Variants in LASP1 observed in about 807,000 individuals in gnomAD.
LASP1 encodes the protein LIM and SH3 protein 1, also known as LIM and SH3 domain protein 1.
In LASP1, 10 loss-of-function variants were observed where a neutral mutation model predicts 38.6. The ratio of observed to expected loss-of-function variants is 0.26; its 90% CI spans 0.16 to 0.44. The LOEUF is 0.44. Among genes scored for constraint, LASP1 ranks in the 20% least tolerant of loss-of-function variants. The pLI, the probability that LASP1 is intolerant of heterozygous loss-of-function variation, is 1.00. For synonymous variants in LASP1, 132 were observed against 140.8 expected (o/e 0.94, Z 0.44); for missense variants, 243 against 375.7 (o/e 0.65, Z 2.92).
chr17:38,896,858 C>G (rs1914504305), intron 3 of LASP1: 20 of 954,740 alleles, frequency 2.1e-5, no homozygotes, highest in Non-Finnish European at 2.5e-5. Context: ...ATAAGAAGCC[C>G]CCTCCCCATA....
At chr17:38,890,153 G>A (rs1052227154) in intron 2 of LASP1, 14 of 440,792 alleles carry the variant, frequency 3.2e-5, no homozygotes, top group Non-Finnish European at 5.0e-5. Flanking sequence ...TGGCCCAGTG[G>A]CCATCCTTTC....
chr17:38,915,413 G>A (rs1364361982), intron 6 of LASP1: 5 of 340,734 alleles, frequency 1.5e-5, no homozygotes, highest in African/African-American at 4.2e-5. Flanking sequence ...AGCTACCTGG[G>A]AACACACAAG....
At chr17:38,872,767 C>T (rs951583711) in intron 1 of LASP1, among the ~76,000 whole-genome samples, 2 of 152,132 alleles carry the variant, frequency 1.3e-5, no homozygotes, top group African/African-American at 4.8e-5. Context: ...ACTACGTGGC[C>T]CAAAGCACAG....
chr17:38,887,820 G>A (rs1038694507), intron 2 of LASP1, among the ~76,000 whole-genome samples: 1 of 152,204 alleles, frequency 6.6e-6, no homozygotes, highest in Non-Finnish European at 1.5e-5. Flanking sequence ...TTCACAAGTG[G>A]TGGCCTCAGG....
intron 2 of LASP1, 115 bp from the exon 3 acceptor site, chr17:38,890,305 C>A: frequency 1.1e-6 from 1 of 906,960 alleles, no homozygotes; most frequent in East Asian, 2.5e-5. Context: ...TGGGGCCGGG[C>A]CAGGGCGTGC....
At chr17:38,889,363 C>T (rs1914236860) in intron 2 of LASP1, among the ~76,000 whole-genome samples, 1 of 152,176 alleles carries the variant, frequency 6.6e-6, no homozygotes, top group African/African-American at 2.4e-5. Flanking sequence ...AACTCCTGAC[C>T]TCGTGATCTG....
chr17:38,888,271 A>G (rs1233547982), intron 2 of LASP1, among the ~76,000 whole-genome samples: 2 of 150,690 alleles, frequency 1.3e-5, no homozygotes, highest in Non-Finnish European at 2.9e-5. Flanking sequence ...ACCAGCTTCA[A>G]TTCCTGGCGT....
At position 38,879,484 on chromosome 17, in the gene LASP1, C is replaced by CT. The variant is rs557810033; in HGVS notation, c.164+1316dup. ...AATTCGATTTTTTTTTTAATTTTAA[C>CT]TTTTTTTTTTTTAACTTCAACCAAC... On this transcript the variant is annotated intron_variant, in intron 2 of 6. Coordinates refer to ENST00000318008, the MANE Select transcript of LASP1 (RefSeq NM_006148.4). Among the ~76,000 whole-genome samples, 313 of 143,694 alleles carry CT rather than the reference C, an allele frequency of 2.2e-3. 1 individual carries two copies. Among genetic ancestry groups the CT allele is most frequent in the East Asian group, 0.012 (57 of 4,938 alleles). 94.3% of individuals were successfully genotyped at this position (143,694 alleles called of 152,430 possible).
At chr17:38,901,446 T>A (rs1352084445) in intron 4 of LASP1, among the ~76,000 whole-genome samples, 1 of 152,070 alleles carries the variant, frequency 6.6e-6, no homozygotes, top group East Asian at 1.9e-4. Flanking sequence ...ACCTGTAGGG[T>A]GTGAATGCAA....
intron 4 of LASP1, among the ~76,000 whole-genome samples, chr17:38,913,559 CA>C (rs1265028529): frequency 3.3e-5 from 5 of 152,316 alleles, no homozygotes; most frequent in African/African-American, 9.6e-5. Context: ...ATCTACCCCT[CA>C]GGGGCGCTGA....
intron 6 of LASP1, 139 bp downstream of exon 6, chr17:38,915,285 G>A (rs911682031): frequency 2.8e-6 from 2 of 703,636 alleles, no homozygotes; most frequent in African/African-American, 3.6e-5. Flanking sequence ...CTTGTGAGCA[G>A]AGAGGAAATT....
intron 4 of LASP1, among the ~76,000 whole-genome samples, chr17:38,909,372 C>G (rs796288874): frequency 3.9e-5 from 6 of 152,186 alleles, no homozygotes; most frequent in African/African-American, 1.4e-4. Context: ...CTTTGGGAGG[C>G]CGAGGTGGGC....
At chr17:38,875,873 G>C (rs768818918) in intron 1 of LASP1, among the ~76,000 whole-genome samples, 8 of 152,166 alleles carry the variant, frequency 5.3e-5, no homozygotes, top group Non-Finnish European at 1.2e-4. Context: ...CAGCTCTGTG[G>C]CTGGGCTCCT....
chr17:38,894,189 C>T (rs182861089), intron 3 of LASP1, among the ~76,000 whole-genome samples: 1 of 152,274 alleles, frequency 6.6e-6, no homozygotes, highest in East Asian at 1.9e-4. Flanking sequence ...CACCCCCAGG[C>T]TGAGCAGAGG....
At chr17:38,903,197 AG>A (rs1357374420) in intron 4 of LASP1, among the ~76,000 whole-genome samples, 1 of 152,130 alleles carries the variant, frequency 6.6e-6, no homozygotes, top group African/African-American at 2.4e-5. Context: ...ACAGTGAGGT[AG>A]GAAGAGATGG....
intron 4 of LASP1, among the ~76,000 whole-genome samples, chr17:38,903,474 G>A (rs978879777): frequency 6.6e-6 from 1 of 151,872 alleles, no homozygotes. Context: ...GTCCTCTCCC[G>A]TCAACCTCCT....
At chr17:38,899,798 G>A (rs980763299) in intron 4 of LASP1, among the ~76,000 whole-genome samples, 1 of 143,786 alleles carries the variant, frequency 7.0e-6, no homozygotes, top group African/African-American at 2.6e-5. Flanking sequence ...AGGCTGGAGT[G>A]CAGTGGTGCT....
chr17:38,902,098 G>A (rs1346209239), intron 4 of LASP1, among the ~76,000 whole-genome samples: 1 of 151,266 alleles, frequency 6.6e-6, no homozygotes, highest in Admixed American at 6.6e-5. Context: ...GTTTCGCTCC[G>A]TCATCCGGGC....
intron 3 of LASP1, among the ~76,000 whole-genome samples, chr17:38,893,348 G>A (rs1401175783): frequency 6.6e-6 from 1 of 152,216 alleles, no homozygotes; most frequent in East Asian, 1.9e-4. Flanking sequence ...GCAGCTCTGG[G>A]TGAGGCCCAA....
Sources: allele counts gnomAD v4.1 joint callset (sites outside exome capture counted in the v4.1 genomes callset), GRCh38; gene constraint gnomAD v4.1.1; transcripts MANE v1.5; gene names NCBI Gene and HGNC (gene_info 2026-07-23, HGNC 2026-07-21).